WWTR1: variants seen among roughly 807,000 people sequenced by gnomAD.
WWTR1 encodes the protein WW domain containing transcription regulator 1, also known as WW domain-containing transcription regulator protein 1.
Under a neutral mutation model 40.1 loss-of-function variants are expected in WWTR1, and 13 were observed. The observed-to-expected ratio is 0.32, with a 90% CI of 0.21 to 0.52. The LOEUF is 0.52. Ranked by LOEUF, WWTR1 falls within the 20% of genes least tolerant of loss-of-function variation. WWTR1 has a pLI of 0.97. For synonymous variants in WWTR1, 230 were observed against 210.1 expected, an observed-to-expected ratio of 1.09 and a Z score of -0.82; for missense variants, 436 against 523.1, an observed-to-expected ratio of 0.83 and a Z score of 1.63.
chr3:149,560,168 G>A (rs566769566), intron 3 of WWTR1, among the ~76,000 whole-genome samples: 1 of 152,232 alleles, frequency 6.6e-6, no homozygotes, highest in East Asian at 1.9e-4. Context: ...GATGGAGAAG[G>A]CACCAGTGAA....
chr3:149,532,391 T>G (rs1194932296), intron 4 of WWTR1, among the ~76,000 whole-genome samples: 1 of 152,246 alleles, frequency 6.6e-6, no homozygotes, highest in Non-Finnish European at 1.5e-5. Context: ...TAAACCAAAG[T>G]GTGAAATTCA....
chr3:149,586,273 T>TA lies in WWTR1; in HGVS notation c.432-13274dup, dbSNP rs1382958846. 2.0e-5 allele frequency among the ~76,000 whole-genome samples: 3 copies of TA among 151,588 alleles called. No individual in the cohort carries two copies. In the East Asian group the frequency reaches 5.8e-4, roughly 29 times the overall value. ...ACTGATTCACCAACTTTTTTTTTTT[T>TA]ATTTAAGTTAGTAGCATTAGAATAA... On this transcript the variant is annotated intron_variant, in intron 2 of 6. Transcript: ENST00000360632.
intron 3 of WWTR1, among the ~76,000 whole-genome samples, chr3:149,562,877 G>A (rs1737149214): frequency 6.6e-6 from 1 of 152,086 alleles, no homozygotes; most frequent in Admixed American, 6.6e-5. Context: ...TGGTACCTGG[G>A]TGGGAGAGGT....
chr3:149,628,430 T>TCACAAA (rs1711496991), intron 2 of WWTR1, among the ~76,000 whole-genome samples: 1 of 151,370 alleles, frequency 6.6e-6, no homozygotes, highest in African/African-American at 2.5e-5. Flanking sequence ...GTGAGCTGCA[T>TCACAAA]GCTTTGCAAC....
At chr3:149,665,218 CCTTT>C (rs1348763092) in intron 2 of WWTR1, among the ~76,000 whole-genome samples, 9 of 132,678 alleles carry the variant, frequency 6.8e-5, no homozygotes, top group African/African-American at 1.7e-4. Context: ...TTAGAAATTT[CCTTT>C]CTTTCTTTTT....
chr3:149,696,415 G>A (rs940935727), intron 1 of WWTR1, among the ~76,000 whole-genome samples: 7 of 152,142 alleles, frequency 4.6e-5, no homozygotes, highest in African/African-American at 1.7e-4. Flanking sequence ...TTCTCTTTTA[G>A]TTCTTATGAT....
At chr3:149,556,630 C>G (rs909660708) in intron 3 of WWTR1, among the ~76,000 whole-genome samples, 11 of 152,050 alleles carry the variant, frequency 7.2e-5, no homozygotes, top group Non-Finnish European at 1.6e-4. Context: ...TCCTTGGGAT[C>G]AATGCCTCTC....
chr3:149,711,347 G>T (rs547716901), intron 5 of WWTR1, among the ~76,000 whole-genome samples: 1 of 152,134 alleles, frequency 6.6e-6, no homozygotes, highest in East Asian at 1.9e-4. Flanking sequence ...GAAAATTCAG[G>T]ATCTTGATAT....
Position 149,520,230 on chromosome 3 carries a change from C to T in WWTR1, c.*575G>A, listed in dbSNP as rs1207911717. 6.6e-6 allele frequency: 1 copy of T among 152,122 alleles called. No homozygotes were observed. The highest frequency in any genetic ancestry group is 1.9e-4 in the East Asian group (1 of 5,194). The allele number at this position is 152,122 out of a possible 1,614,324, so 9.4% of individuals were successfully genotyped here. On this transcript the variant is annotated 3_prime_UTR_variant, in exon 7 of 7. Coordinates refer to ENST00000360632, the MANE Select transcript of WWTR1 (RefSeq NM_015472.6). Reference sequence around the variant, plus strand: ...CTTTATAAATACAGACTAATAAGAGCCATCAGAGCCAGCATGGATTCAAAA... The same window carrying T: ...CTTTATAAATACAGACTAATAAGAGTCATCAGAGCCAGCATGGATTCAAAA...
rs1425162652 is a variant in WWTR1 at position 149,669,197 on chromosome 3, C to T, written c.-4+591G>A. ...ACATATACAAGAACCCCCACATATA[C>T]AAGAACAATACACATATACAATATA... On this transcript the variant is annotated intron_variant, in intron 2 of 7. Coordinates refer to the WWTR1 transcript ENST00000465804. Among the ~76,000 whole-genome samples, 5 of 152,274 alleles carry T rather than the reference C, an allele frequency of 3.3e-5. No individual in the cohort carries two copies. The South Asian group carries it at 1.0e-3, about 32-fold the overall frequency.
intron 2 of WWTR1, among the ~76,000 whole-genome samples, chr3:149,653,364 A>G (rs1260172813): frequency 6.6e-6 from 1 of 152,190 alleles, no homozygotes; most frequent in East Asian, 1.9e-4. Flanking sequence ...GGACAGCAGG[A>G]ATAATGAATG....
intron 3 of WWTR1, among the ~76,000 whole-genome samples, chr3:149,569,904 T>A (rs1458416653): frequency 6.6e-6 from 1 of 152,188 alleles, no homozygotes; most frequent in Non-Finnish European, 1.5e-5. Flanking sequence ...CAAACTCCTA[T>A]GCCCAAGAGA....
intron 3 of WWTR1, among the ~76,000 whole-genome samples, chr3:149,557,787 G>T (rs1381261674): frequency 6.6e-6 from 1 of 152,022 alleles, no homozygotes; most frequent in Non-Finnish European, 1.5e-5. Flanking sequence ...AGGATCACCT[G>T]AGGTCAGGAG....
At chr3:149,668,346 C>A (rs113877163) in intron 2 of WWTR1, among the ~76,000 whole-genome samples, 1 of 152,032 alleles carries the variant, frequency 6.6e-6, no homozygotes, top group Non-Finnish European at 1.5e-5. Flanking sequence ...CTTGGCCAGG[C>A]GTGTAATCTG....
At chr3:149,629,781 G>C (rs140304739) in intron 2 of WWTR1, among the ~76,000 whole-genome samples, 155 of 152,252 alleles carry the variant, frequency 1.0e-3, no homozygotes, top group African/African-American at 3.6e-3. Flanking sequence ...CATCTACTAT[G>C]GAGTATCTGA....
intron 2 of WWTR1, among the ~76,000 whole-genome samples, chr3:149,573,281 C>T (rs1055349743): frequency 3.9e-5 from 6 of 152,158 alleles, no homozygotes; most frequent in East Asian, 1.9e-4. Flanking sequence ...AACTTCCCCT[C>T]GGCCCGTGGA....
At chr3:149,673,071 TA>T (rs1388970390) in intron 1 of WWTR1, among the ~76,000 whole-genome samples, 1 of 152,102 alleles carries the variant, frequency 6.6e-6, no homozygotes, top group Admixed American at 6.5e-5. Context: ...GGAGTAAAAA[TA>T]AATGTTTTAA....
chr3:149,557,384 T>C (rs1223614410), intron 3 of WWTR1, among the ~76,000 whole-genome samples: 1 of 152,144 alleles, frequency 6.6e-6, no homozygotes, highest in Non-Finnish European at 1.5e-5. Context: ...TACTGTAATT[T>C]CTTTTTTAAG....
intron 1 of WWTR1, among the ~76,000 whole-genome samples, chr3:149,695,780 A>G (rs1714966229): frequency 1.4e-5 from 2 of 141,606 alleles, no homozygotes; most frequent in Non-Finnish European, 3.1e-5. Flanking sequence ...AAAAACAAGA[A>G]AAGAAAAGAA....
Sources: allele counts gnomAD v4.1 joint callset (sites outside exome capture counted in the v4.1 genomes callset), GRCh38; gene constraint gnomAD v4.1.1; transcripts MANE v1.5; gene names NCBI Gene and HGNC (gene_info 2026-07-23, HGNC 2026-07-21).